The following ANKRD26 variants were observed in gnomAD, a reference collection of about 807,000 sequenced individuals.
ANKRD26 encodes ankyrin repeat domain-containing protein 26.
In ANKRD26, 141 loss-of-function variants were observed where a neutral mutation model predicts 208.7. The ratio of observed to expected loss-of-function variants is 0.68; its 90% CI spans 0.59 to 0.78. The LOEUF (loss-of-function observed/expected upper bound fraction) is 0.78, where lower values mean the gene tolerates loss of function less well. Ranked by LOEUF, ANKRD26 falls within the 30% of genes least tolerant of loss-of-function variation. ANKRD26 has a pLI of 0.00. For missense variants in ANKRD26, 1,889 were observed against 1,938.7 expected, an observed-to-expected ratio of 0.97 and a Z score of 0.48; for synonymous variants, 636 against 660.4, an observed-to-expected ratio of 0.96 and a Z score of 0.57.
chr10:27,046,219 TC>T (rs2054438287), intron 18 of ANKRD26, 133 bp downstream of exon 18: 2 of 939,474 alleles, frequency 2.1e-6, no homozygotes, highest in African/African-American at 1.6e-5. Flanking sequence ...AAGTCACTTG[TC>T]CTCATCTTAA....
At chr10:27,061,811 C>T (rs1309524726) in intron 12 of ANKRD26, 3 of 453,006 alleles carry the variant, frequency 6.6e-6, no homozygotes, top group Non-Finnish European at 8.7e-6. Context: ...GCAACCCACC[C>T]ACCTTGGCCT....
At chr10:27,060,660 T>G (rs1253447621) in intron 13 of ANKRD26, 120 bp from the exon 14 acceptor site, 2 of 818,418 alleles carry the variant, frequency 2.4e-6, no homozygotes, top group Non-Finnish European at 3.9e-6. Context: ...ATTATGTTAA[T>G]TTTTGGGATG....
rs1329925366 is a variant in ANKRD26 at position 27,037,238 on chromosome 10, T to C, written c.2645A>G (p.His882Arg). 4 of 1,613,648 alleles carry C rather than the reference T, an allele frequency of 2.5e-6. No individual in the cohort carries two copies. The highest frequency in any genetic ancestry group is 3.4e-6 in the Non-Finnish European group (4 of 1,179,730). The change falls in exon 23 of 34, where the codon CAC becomes CGC. Residue 882 changes from histidine to arginine, a missense_variant. Transcript: ENST00000376087. ...TTCAATCTCCTTTTGTTTGGAAAGG[T>C]GATTGGTCAGAATTCCATCTTGTAA... ...RMLQDGILTN[H>R]LSKQKEIEMA... is the part of the protein sequence containing the mutation.
At chr10:27,051,667 A>G in intron 16 of ANKRD26, 5 of 985,414 alleles carry the variant, frequency 5.1e-6, no homozygotes, top group Non-Finnish European at 4.8e-6. Context: ...GGGGACCCAG[A>G]GTATGAAGGA....
intron 3 of ANKRD26, among the ~76,000 whole-genome samples, chr10:26,986,298 A>G (rs1564332701): frequency 6.6e-6 from 1 of 152,240 alleles, no homozygotes; most frequent in Non-Finnish European, 1.5e-5. Context: ...ATAAAGACTT[A>G]AATGTTAAAC....
At chr10:27,047,094 G>A (rs1431527350) in intron 17 of ANKRD26, among the ~76,000 whole-genome samples, 1 of 152,180 alleles carries the variant, frequency 6.6e-6, no homozygotes, top group Non-Finnish European at 1.5e-5. Context: ...AGACATGGAA[G>A]TAGCAATTAG....
At chr10:26,994,248 C>T (rs1172811976) in intron 5 of ANKRD26, among the ~76,000 whole-genome samples, 2 of 152,118 alleles carry the variant, frequency 1.3e-5, no homozygotes, top group African/African-American at 4.8e-5. Flanking sequence ...GGGAAAATGA[C>T]CCTTGGCCCC....
At chr10:26,967,738 G>A in the ANKRD26 span, among the ~76,000 whole-genome samples, 7 of 151,964 alleles carry the variant, frequency 4.6e-5, no homozygotes, top group African/African-American at 1.7e-4. Flanking sequence ...TACCTATATT[G>A]TGAGTGCTTC....
In ANKRD26 at chr10:27,077,544, C is replaced by T. The variant is rs1360400734; in HGVS notation, c.875-4G>A. On this transcript the variant is annotated splice_region_variant and splice_polypyrimidine_tract_variant and intron_variant, in intron 8 of 33. Transcript: ENST00000376087. ...ACAGTGCCATATGTTGCTTCTACTA[C>T]AGTAAAAACAAAATAAAGAGTAAAT... is the stretch of plus-strand genomic sequence containing the variant. 4.3e-6 allele frequency: 7 copies of T among 1,612,970 alleles called. No individual in the cohort carries two copies. Among genetic ancestry groups the T allele is most frequent in the African/African-American group, 2.7e-5 (2 of 74,856 alleles).
intron 11 of ANKRD26, among the ~76,000 whole-genome samples, chr10:27,065,456 T>A (rs755372699): frequency 6.6e-6 from 1 of 152,164 alleles, no homozygotes; most frequent in Admixed American, 6.5e-5. Context: ...TACTGAAACT[T>A]ATACCCCAAA....
chr10:27,018,467 G>A (rs530221627), intron 29 of ANKRD26, among the ~76,000 whole-genome samples: 8 of 151,790 alleles, frequency 5.3e-5, no homozygotes, highest in African/African-American at 1.2e-4. Flanking sequence ...AGAAGTTTTC[G>A]GACATCCTAT....
At chr10:27,065,864 T>C (rs1200186268) in intron 11 of ANKRD26, among the ~76,000 whole-genome samples, 4 of 134,448 alleles carry the variant, frequency 3.0e-5, no homozygotes, top group Admixed American at 7.5e-5. Context: ...TCTTTCTTTT[T>C]TTTTTTTTTT....
At chr10:26,956,332 T>C in the ANKRD26 span, among the ~76,000 whole-genome samples, 1 of 152,174 alleles carries the variant, frequency 6.6e-6, no homozygotes, top group Non-Finnish European at 1.5e-5. Flanking sequence ...CATAAAAATT[T>C]CTGAACCATC....
At position 27,061,127 on chromosome 10, in the gene ANKRD26, G is replaced by T. The variant is rs11015496; in HGVS notation, c.1462+17C>A. The T allele has an allele frequency of 0.064, 97,037 of 1,527,490 alleles. 3,431 individuals are homozygous for T. The highest frequency in any genetic ancestry group is 0.13 in the African/African-American group (9,546 of 73,052). The allele number at this position is 1,527,490 out of a possible 1,614,324, so 94.6% of individuals were successfully genotyped here. A position where few individuals can be genotyped will look rare whatever the true frequency, so the allele number is the denominator to read the frequency against. ...GTAGAATAACAGTTAACAAAAATAC[G>T]CATTTTTTTTCCATACCCATGTGGG... On this transcript the variant is annotated intron_variant, in intron 13 of 33. Transcript: ENST00000376087.
chr10:26,974,500 C>A (rs1393839093), exon 6 of ANKRD26, among the ~76,000 whole-genome samples: 37 of 152,150 alleles, frequency 2.4e-4, no homozygotes. Context: ...GCCACCACGC[C>A]TGGCTAATTT....
chr10:27,052,873 A>G (rs1357132549), intron 16 of ANKRD26, among the ~76,000 whole-genome samples: 3 of 152,158 alleles, frequency 2.0e-5, no homozygotes, highest in African/African-American at 7.2e-5. Context: ...CCTTGGAATC[A>G]GTGACCAGCA....
downstream of ANKRD26, among the ~76,000 whole-genome samples, chr10:26,973,352 CCTA>C (rs2052176860): frequency 3.3e-5 from 5 of 152,008 alleles, no homozygotes; most frequent in South Asian, 6.2e-4. Context: ...ATTGTAGTTA[CCTA>C]CTTTTTCCCT....
intron 21 of ANKRD26, 51 bp from the exon 22 acceptor site, chr10:27,038,105 G>T: frequency 6.7e-7 from 1 of 1,488,988 alleles, no homozygotes; most frequent in Non-Finnish European, 9.2e-7. Context: ...AAAATAAAAA[G>T]TTCATTGTGT....
At chr10:27,048,424 G>A (rs190627530) in intron 17 of ANKRD26, among the ~76,000 whole-genome samples, 52 of 152,180 alleles carry the variant, frequency 3.4e-4, no homozygotes, top group Middle Eastern at 3.4e-3. Context: ...GCATTTTTAT[G>A]TAAGTCATAT....
Sources: allele counts gnomAD v4.1 joint callset (sites outside exome capture counted in the v4.1 genomes callset), GRCh38; gene constraint gnomAD v4.1.1; transcripts MANE v1.5; gene names NCBI Gene and HGNC (gene_info 2026-07-23, HGNC 2026-07-21).